THEMIS: variants seen among roughly 807,000 people sequenced by gnomAD.
THEMIS encodes thymocyte selection associated, also known as protein THEMIS.
A neutral mutation model predicts 52.6 loss-of-function variants in THEMIS; 37 were observed. The observed-to-expected ratio is 0.70, with a 90% CI of 0.54 to 0.93. The LOEUF (loss-of-function observed/expected upper bound fraction) is 0.93. THEMIS is among the 40% of genes least tolerant of loss of function. The pLI is 0.00. For synonymous variants in THEMIS, 292 were observed against 272.7 expected (o/e 1.07, Z -0.70); for missense variants, 808 against 763.1 (o/e 1.06, Z -0.69).
At chr6:127,903,906 A>G (rs765904933), upstream of THEMIS, among the ~76,000 whole-genome samples, 2 of 152,050 alleles carry the variant, frequency 1.3e-5, no homozygotes, top group African/African-American at 2.4e-5. Flanking sequence ...ATACTTTTTA[A>G]AAAAGCTGTT....
At chr6:127,782,459 G>T (rs1583271284) in intron 4 of THEMIS, among the ~76,000 whole-genome samples, 1 of 152,178 alleles carries the variant, frequency 6.6e-6, no homozygotes, top group Non-Finnish European at 1.5e-5. Flanking sequence ...TAGTCTGTGG[G>T]TTGCGAAGAC....
intron 4 of THEMIS, among the ~76,000 whole-genome samples, chr6:127,725,290 TA>T (rs1718782628): frequency 6.6e-6 from 1 of 152,112 alleles, no homozygotes. Flanking sequence ...AAATTCTACT[TA>T]AAATAAGAAC....
rs1483352786 is a variant in THEMIS, at chr6:127,708,922, A to G, written c.*1063T>C. On this transcript the variant is annotated 3_prime_UTR_variant, in exon 6 of 6. Coordinates refer to ENST00000368248, the MANE Select transcript of THEMIS (RefSeq NM_001010923.3). ...TAGGATGTTAGCTAACAAATTTTGT[A>G]CAGAGTATGATCTATGGATGAAGTT... 6.6e-6 allele frequency: 1 copy of G among 152,064 alleles called. No homozygotes were observed. The highest frequency in any genetic ancestry group is 1.5e-5 in the Non-Finnish European group (1 of 67,946). 9.4% of individuals were successfully genotyped at this position (152,064 alleles called of 1,614,324 possible). A position where few individuals can be genotyped will look rare whatever the true frequency, so the allele number is the denominator to read the frequency against.
At chr6:127,899,119 T>C (rs1781058488) in intron 1 of THEMIS, among the ~76,000 whole-genome samples, 1 of 151,840 alleles carries the variant, frequency 6.6e-6, no homozygotes, top group Non-Finnish European at 1.5e-5. Flanking sequence ...AGTAGTGGAA[T>C]TGGAATGTTC....
intron 1 of THEMIS, among the ~76,000 whole-genome samples, chr6:127,865,888 T>C (rs955462379): frequency 1.3e-5 from 2 of 152,114 alleles, no homozygotes; most frequent in African/African-American, 4.8e-5. Context: ...ACATTCATTT[T>C]ATGTTTATTT....
At chr6:127,730,277 T>TAAGAAAAGAAAAGA (rs1554215750) in intron 4 of THEMIS, among the ~76,000 whole-genome samples, 1 of 54,672 alleles carries the variant, frequency 1.8e-5, no homozygotes, top group Non-Finnish European at 5.2e-5. Flanking sequence ...CTATAGGAAA[T>TAAGAAAAGAAAAGA]AAAGAAAAGA....
At chr6:127,914,188 A>C (rs150171249) in intron 1 of THEMIS, among the ~76,000 whole-genome samples, 129 of 152,292 alleles carry the variant, frequency 8.5e-4, no homozygotes, top group Non-Finnish European at 1.5e-3. Flanking sequence ...CTAGACTTGT[A>C]ATTTTCCACT....
chr6:127,731,492 T>C (rs1774792942), intron 4 of THEMIS, among the ~76,000 whole-genome samples: 1 of 151,960 alleles, frequency 6.6e-6, no homozygotes, highest in Admixed American at 6.6e-5. Flanking sequence ...TTGTGCTTAC[T>C]AAGTGTCAGG....
intron 1 of THEMIS, among the ~76,000 whole-genome samples, chr6:127,899,277 T>C (rs1036136853): frequency 5.3e-5 from 8 of 151,874 alleles, no homozygotes; most frequent in Non-Finnish European, 1.2e-4. Context: ...TTAAAGTCTA[T>C]GAATATCTAA....
chr6:127,750,209 AT>A (rs1775589444), intron 4 of THEMIS, among the ~76,000 whole-genome samples: 2 of 151,608 alleles, frequency 1.3e-5, no homozygotes, highest in African/African-American at 4.8e-5. Context: ...TTCTACTCTA[AT>A]TAATAACATA....
intron 1 of THEMIS, among the ~76,000 whole-genome samples, chr6:127,897,858 C>T: frequency 6.6e-6 from 1 of 151,498 alleles, no homozygotes. Flanking sequence ...ACTGGAAACT[C>T]CAAGCCAGAA....
chr6:127,745,762 C>T (rs1232581388), intron 4 of THEMIS, among the ~76,000 whole-genome samples: 2 of 151,788 alleles, frequency 1.3e-5, no homozygotes, highest in African/African-American at 4.8e-5. Context: ...TTGTGGAACA[C>T]AGATAATTAG....
chr6:127,788,144 G>A (rs1389020674), intron 4 of THEMIS, among the ~76,000 whole-genome samples: 2 of 152,092 alleles, frequency 1.3e-5, no homozygotes, highest in African/African-American at 2.4e-5. Flanking sequence ...TTTATTTTGC[G>A]ATGTTAGCAA....
At chr6:127,830,322 A>C (rs1180638820) in intron 2 of THEMIS, among the ~76,000 whole-genome samples, 1 of 152,212 alleles carries the variant, frequency 6.6e-6, no homozygotes, top group Non-Finnish European at 1.5e-5. Context: ...GGATTTGGTC[A>C]GCTTTTTTAT....
intron 2 of THEMIS, among the ~76,000 whole-genome samples, chr6:127,840,460 C>A (rs528441382): frequency 6.6e-6 from 1 of 152,168 alleles, no homozygotes; most frequent in East Asian, 1.9e-4. Flanking sequence ...ACAACAGAAA[C>A]AAATGTATCT....
intron 1 of THEMIS, among the ~76,000 whole-genome samples, chr6:127,861,628 CA>C (rs1423236386): frequency 6.6e-6 from 1 of 151,404 alleles, no homozygotes; most frequent in Non-Finnish European, 1.5e-5. Flanking sequence ...ACTAAAAATA[CA>C]AAAATTAGCC....
chr6:127,912,750 G>A (rs1781439611), intron 1 of THEMIS, among the ~76,000 whole-genome samples: 1 of 152,116 alleles, frequency 6.6e-6, no homozygotes, highest in African/African-American at 2.4e-5. Flanking sequence ...ACTGAAAAAA[G>A]TTTAAAGGTG....
downstream of THEMIS, among the ~76,000 whole-genome samples, chr6:127,704,275 C>G (rs568579475): frequency 1.3e-5 from 2 of 152,198 alleles, no homozygotes; most frequent in East Asian, 3.9e-4. Flanking sequence ...TATGAGGTAA[C>G]GCAAATGACT....
chr6:127,798,344 C>A (rs1777401521), intron 4 of THEMIS, among the ~76,000 whole-genome samples: 1 of 151,762 alleles, frequency 6.6e-6, no homozygotes, highest in Non-Finnish European at 1.5e-5. Flanking sequence ...AGTTAAGAAA[C>A]AGAATTTTTT....
Sources: allele counts gnomAD v4.1 joint callset (sites outside exome capture counted in the v4.1 genomes callset), GRCh38; gene constraint gnomAD v4.1.1; transcripts MANE v1.5; gene names NCBI Gene and HGNC (gene_info 2026-07-23, HGNC 2026-07-21).